Variants in GALNTL6 observed in about 807,000 individuals in gnomAD.
GALNTL6 encodes the protein polypeptide N-acetylgalactosaminyltransferase like 6, also known as polypeptide N-acetylgalactosaminyltransferase-like 6.
In GALNTL6, 46 loss-of-function variants were observed where a neutral mutation model predicts 73.7. The observed-to-expected ratio is 0.62, with a 90% CI of 0.49 to 0.80. The LOEUF is 0.80. GALNTL6 is among the 30% of genes least tolerant of loss of function. GALNTL6 has a pLI of 0.00. For synonymous variants in GALNTL6, 259 were observed against 263.7 expected, an observed-to-expected ratio of 0.98 and a Z score of 0.17; for missense variants, 604 against 755.0, an observed-to-expected ratio of 0.80 and a Z score of 2.34.
In GALNTL6 at chr4:172,151,826, G is replaced by A. The variant is rs114057573; in HGVS notation, c.139-77830G>A. 8.1e-3 allele frequency among the ~76,000 whole-genome samples: 1,225 copies of A among 151,952 alleles called. 21 individuals carry two copies. The highest frequency in any genetic ancestry group is 0.028 in the African/African-American group (1,157 of 41,466). ...CACTTGGGTAGCACACTTCATGGGG[G>A]ACGGCTGTGACACTACCTCTTATGC... On this transcript the variant is annotated intron_variant, in intron 2 of 12. Transcript: ENST00000506823.
At position 172,689,239 on chromosome 4, in the gene GALNTL6, A is replaced by C. The variant is rs1324714630; in HGVS notation, c.554-120122A>C. Among the ~76,000 whole-genome samples, 31 of 152,190 alleles carry C rather than the reference A, an allele frequency of 2.0e-4. 1 individual carries two copies. On this transcript the variant is annotated intron_variant, in intron 5 of 12. Coordinates refer to ENST00000506823, the MANE Select transcript of GALNTL6 (RefSeq NM_001034845.3). ...GTTCATTGGTAATAGAGTTATTATT[A>C]ATATGAAAAAGGTAGACTGTACAAT...
intron 3 of GALNTL6, among the ~76,000 whole-genome samples, chr4:172,271,957 A>T (rs1049676109): frequency 6.7e-6 from 1 of 149,530 alleles, no homozygotes; most frequent in African/African-American, 2.5e-5. Context: ...ATATATATAT[A>T]TATTTTTTTT....
At chr4:171,955,706 AT>A (rs758395574) in intron 2 of GALNTL6, among the ~76,000 whole-genome samples, 151 of 152,206 alleles carry the variant, frequency 9.9e-4, no homozygotes, top group Non-Finnish European at 1.5e-3. Flanking sequence ...ATTTTTATCA[AT>A]AATAGGTTGA....
chr4:172,404,116 AC>A (rs1169727543), intron 5 of GALNTL6, among the ~76,000 whole-genome samples: 1 of 151,956 alleles, frequency 6.6e-6, no homozygotes, highest in Non-Finnish European at 1.5e-5. Context: ...ATATATACAT[AC>A]CCTTAGTTTA....
chr4:171,991,404 T>C (rs1020698691), intron 2 of GALNTL6, among the ~76,000 whole-genome samples: 1 of 152,076 alleles, frequency 6.6e-6, no homozygotes, highest in Non-Finnish European at 1.5e-5. Context: ...TTTTTTTCTG[T>C]GGTGATTTTT....
chr4:172,415,671 G>A (rs549497801), intron 5 of GALNTL6, among the ~76,000 whole-genome samples: 3 of 152,208 alleles, frequency 2.0e-5, no homozygotes, highest in Non-Finnish European at 2.9e-5. Flanking sequence ...GGGAGCATCC[G>A]CGGACTCACG....
intron 2 of GALNTL6, among the ~76,000 whole-genome samples, chr4:171,947,484 T>C (rs1453001105): frequency 6.6e-6 from 1 of 151,712 alleles, no homozygotes; most frequent in Admixed American, 6.7e-5. Flanking sequence ...CACTTCTTTC[T>C]CTTTTAGATA....
intron 7 of GALNTL6, among the ~76,000 whole-genome samples, chr4:172,851,117 C>T (rs1743792313): frequency 6.6e-6 from 1 of 152,064 alleles, no homozygotes; most frequent in Non-Finnish European, 1.5e-5. Flanking sequence ...AATCGTGGCT[C>T]AGTCTTTCTG....
Position 172,336,270 on chromosome 4 carries a change from G to T in GALNTL6, c.387-12253G>T, listed in dbSNP as rs376972069. 2.0e-3 allele frequency among the ~76,000 whole-genome samples: 217 copies of T among 108,308 alleles called. 10 individuals carry two copies. The highest frequency in any genetic ancestry group is 8.9e-3 in the East Asian group (31 of 3,482). 71.1% of individuals were successfully genotyped at this position (108,308 alleles called of 152,430 possible). A position where few individuals can be genotyped will look rare whatever the true frequency, so the allele number is the denominator to read the frequency against. On this transcript the variant is annotated intron_variant, in intron 4 of 12. Transcript: ENST00000506823. ...TGAGAACTCTTCTTGGTATAGTTTTGTTTTGTTTTTTTTTTTTTTTGACTG... is the reference window on the plus strand; with the variant it reads ...TGAGAACTCTTCTTGGTATAGTTTTTTTTTGTTTTTTTTTTTTTTTGACTG...
intron 5 of GALNTL6, chr4:172,669,345 G>A (rs1180990068): frequency 6.6e-6 from 1 of 152,168 alleles, no homozygotes; most frequent in Admixed American, 6.5e-5. Flanking sequence ...TAAGACGTTT[G>A]AGAATTGCCA....
chr4:171,897,127 GA>G (rs1284498165), intron 2 of GALNTL6, among the ~76,000 whole-genome samples: 1 of 151,736 alleles, frequency 6.6e-6, no homozygotes, highest in African/African-American at 2.4e-5. Flanking sequence ...AGAGACAAAA[GA>G]AAAAATCTAG....
At chr4:171,985,993 G>GT (rs1369958115) in intron 2 of GALNTL6, among the ~76,000 whole-genome samples, 1 of 121,838 alleles carries the variant, frequency 8.2e-6, no homozygotes, top group African/African-American at 3.2e-5. Context: ...AGCCGAGAAT[G>GT]CACCACTGCA....
At chr4:172,562,092 G>T (rs1235710401) in intron 5 of GALNTL6, among the ~76,000 whole-genome samples, 1 of 152,074 alleles carries the variant, frequency 6.6e-6, no homozygotes, top group Non-Finnish European at 1.5e-5. Flanking sequence ...CTGAATCTTT[G>T]TAAGAATTAA....
At chr4:173,012,836 C>T (rs1001048186) in intron 11 of GALNTL6, among the ~76,000 whole-genome samples, 1 of 152,196 alleles carries the variant, frequency 6.6e-6, no homozygotes, top group Non-Finnish European at 1.5e-5. Context: ...AGTTATTATT[C>T]ACTCAAATGC....
At chr4:172,741,666 T>A (rs1736812931) in intron 5 of GALNTL6, among the ~76,000 whole-genome samples, 2 of 151,992 alleles carry the variant, frequency 1.3e-5, no homozygotes, top group Admixed American at 1.3e-4. Flanking sequence ...TATAGAAGAA[T>A]ATATATAGAT....
At chr4:171,861,718 T>C (rs1351555520) in intron 2 of GALNTL6, among the ~76,000 whole-genome samples, 1 of 152,186 alleles carries the variant, frequency 6.6e-6, no homozygotes, top group Non-Finnish European at 1.5e-5. Flanking sequence ...TAGGTATTTC[T>C]GTGTAAATCT....
chr4:171,834,242 A>C (rs1342043871), intron 2 of GALNTL6, among the ~76,000 whole-genome samples: 1 of 151,982 alleles, frequency 6.6e-6, no homozygotes, highest in Non-Finnish European at 1.5e-5. Context: ...TTGCCACTTC[A>C]AAATGGATAA....
At chr4:171,935,815 T>C (rs1324078067) in intron 2 of GALNTL6, among the ~76,000 whole-genome samples, 2 of 152,158 alleles carry the variant, frequency 1.3e-5, no homozygotes, top group African/African-American at 4.8e-5. Context: ...GGCAGGTGTG[T>C]AGATGAATTT....
intron 10 of GALNTL6, among the ~76,000 whole-genome samples, chr4:172,979,278 A>G (rs1209536487): frequency 6.6e-6 from 1 of 152,240 alleles, no homozygotes; most frequent in African/African-American, 2.4e-5. Context: ...CATATCTAAA[A>G]GAGAAATACA....
Sources: gnomAD v4.1 joint callset for allele counts (sites outside exome capture counted in the v4.1 genomes callset) on GRCh38, gnomAD v4.1.1 for gene constraint, MANE v1.5 for transcripts, NCBI Gene and HGNC (gene_info 2026-07-23, HGNC 2026-07-21) for gene names.